Variants in TC2N observed in about 807,000 individuals in gnomAD.
TC2N encodes the protein tandem C2 domains nuclear protein.
TC2N carries 51 observed loss-of-function variants against 61.9 expected under a neutral mutation model. That is an observed-to-expected ratio of 0.82 (90% CI 0.66 to 1.04). The LOEUF (loss-of-function observed/expected upper bound fraction) is 1.04. Among genes scored for constraint, TC2N ranks in the 50% least tolerant of loss-of-function variants. The pLI, the probability that TC2N is intolerant of heterozygous loss-of-function variation, is 0.00. For synonymous variants in TC2N, 204 were observed against 192.6 expected, an observed-to-expected ratio of 1.06 and a Z score of -0.49; for missense variants, 556 against 566.7, an observed-to-expected ratio of 0.98 and a Z score of 0.19.
At chr14:91,836,874 A>G (rs1888046395) in intron 1 of TC2N, among the ~76,000 whole-genome samples, 1 of 152,202 alleles carries the variant, frequency 6.6e-6, no homozygotes, top group Non-Finnish European at 1.5e-5. Flanking sequence ...TTGGGGAGGC[A>G]GGGGCAGTCT....
intron 1 of TC2N, among the ~76,000 whole-genome samples, chr14:91,830,524 T>A (rs1389821054): frequency 6.6e-6 from 1 of 152,136 alleles, no homozygotes; most frequent in African/African-American, 2.4e-5. Flanking sequence ...GAAAACAGAT[T>A]AGTGGTTGCC....
At chr14:91,831,377 AAC>A (rs1260075236) in intron 1 of TC2N, among the ~76,000 whole-genome samples, 1 of 152,270 alleles carries the variant, frequency 6.6e-6, no homozygotes, top group Non-Finnish European at 1.5e-5. Context: ...AGAATTAAAT[AAC>A]ACATTTTATT....
In TC2N at chr14:91,800,097, GCAAT is replaced by G. The variant is rs552262706; in HGVS notation, c.561+180_561+183del. Among the ~76,000 whole-genome samples the G allele has an allele frequency of 1.5e-3, 235 of 152,090 alleles. 3 individuals carry two copies. The highest frequency in any genetic ancestry group is 0.014 in the South Asian group (66 of 4,818). ...AAAAAAGAAAAACTACTGCCTTTTA[GCAAT>G]CAAATAACAGCTTTCTAAAATAATA... On this transcript the variant is annotated intron_variant, in intron 5 of 11. Coordinates refer to ENST00000435962, the MANE Select transcript of TC2N (RefSeq NM_001128596.3).
At chr14:91,865,873 G>A (rs1428064065) in intron 1 of TC2N, among the ~76,000 whole-genome samples, 2 of 151,964 alleles carry the variant, frequency 1.3e-5, no homozygotes, top group Non-Finnish European at 2.9e-5. Context: ...GGCTAAAGGT[G>A]TTATTAAAAA....
intron 3 of TC2N, among the ~76,000 whole-genome samples, chr14:91,806,933 C>A (rs1886533545): frequency 1.3e-5 from 2 of 152,206 alleles, no homozygotes; most frequent in South Asian, 4.1e-4. Context: ...GGGCCAGGCC[C>A]AGGGCCCCCC....
At chr14:91,830,285 A>G (rs1350442792) in intron 1 of TC2N, among the ~76,000 whole-genome samples, 2 of 152,242 alleles carry the variant, frequency 1.3e-5, no homozygotes, top group African/African-American at 2.4e-5. Context: ...GCCAAAAAGT[A>G]GAAACAAATC....
intron 1 of TC2N, among the ~76,000 whole-genome samples, chr14:91,815,703 T>C (rs2139868856): frequency 6.6e-6 from 1 of 151,810 alleles, no homozygotes; most frequent in South Asian, 2.1e-4. Context: ...CCTCCCCATA[T>C]ACCCTGTCCT....
rs562110192 is a variant in TC2N at position 91,825,705 on chromosome 14, T to C, written c.-56-11880A>G. On this transcript the variant is annotated intron_variant, in intron 1 of 11. Transcript: ENST00000435962. Reference sequence around the variant, plus strand: ...ATGCTTCTTGCTGTCTCTAGTTTCTTTGAGAAAGATTTGTCTGTATTAGAA... The same window carrying C: ...ATGCTTCTTGCTGTCTCTAGTTTCTCTGAGAAAGATTTGTCTGTATTAGAA... Among the ~76,000 whole-genome samples the C allele has an allele frequency of 7.2e-5, 11 of 152,334 alleles. No individual in the cohort carries two copies. The East Asian group carries it at 1.9e-3, about 27-fold the overall frequency.
intron 1 of TC2N, among the ~76,000 whole-genome samples, chr14:91,835,677 T>A (rs868788858): frequency 3.9e-5 from 6 of 152,196 alleles, no homozygotes; most frequent in Non-Finnish European, 8.8e-5. Context: ...ATCTAAAACC[T>A]AGCTGGGTAG....
At chr14:91,831,999 A>C (rs1247322904) in intron 1 of TC2N, among the ~76,000 whole-genome samples, 1 of 152,216 alleles carries the variant, frequency 6.6e-6, no homozygotes, top group Non-Finnish European at 1.5e-5. Context: ...AAGAAAGTAA[A>C]AGACAGGCTG....
At chr14:91,810,721 G>A (rs751475545) in intron 3 of TC2N, among the ~76,000 whole-genome samples, 7 of 151,782 alleles carry the variant, frequency 4.6e-5, no homozygotes, top group Non-Finnish European at 8.8e-5. Flanking sequence ...AGAACCAAAT[G>A]TAAACTCTAG....
In TC2N at chr14:91,832,548, G is replaced by A. The variant is rs186608118; in HGVS notation, c.-56-18723C>T. ...CCCAATGGGATACCATTTCTCACCCGATTGTCTAAAAGAAAAAAAATTCAG... is the reference window on the plus strand; with the variant it reads ...CCCAATGGGATACCATTTCTCACCCAATTGTCTAAAAGAAAAAAAATTCAG... On this transcript the variant is annotated intron_variant, in intron 1 of 11. Transcript: ENST00000435962. 5.5e-3 allele frequency among the ~76,000 whole-genome samples: 844 copies of A among 152,116 alleles called. 5 individuals are homozygous for A. The highest frequency in any genetic ancestry group is 8.7e-3 in the Non-Finnish European group (590 of 67,998).
At chr14:91,844,468 A>G (rs958482068) in intron 1 of TC2N, among the ~76,000 whole-genome samples, 2 of 152,206 alleles carry the variant, frequency 1.3e-5, no homozygotes, top group Non-Finnish European at 2.9e-5. Flanking sequence ...TGTTTCCATC[A>G]AAACCATCTT....
At chr14:91,788,961 T>TA (rs11290971) in intron 9 of TC2N, among the ~76,000 whole-genome samples, 47 of 151,272 alleles carry the variant, frequency 3.1e-4, no homozygotes, top group African/African-American at 1.1e-3. Flanking sequence ...TTGGTAGCCA[T>TA]AAAAAAAAAA....
chr14:91,784,256 A>C (rs552868478), intron 11 of TC2N, among the ~76,000 whole-genome samples: 23 of 152,280 alleles, frequency 1.5e-4, no homozygotes, highest in African/African-American at 5.3e-4. Context: ...GATATACGAA[A>C]ACTTTAACTG....
At chr14:91,793,520 C>T (rs1374496480) in intron 8 of TC2N, among the ~76,000 whole-genome samples, 1 of 152,198 alleles carries the variant, frequency 6.6e-6, no homozygotes, top group Non-Finnish European at 1.5e-5. Context: ...CCAGCATGTG[C>T]TCACTTCATG....
At chr14:91,841,105 A>G (rs1888154583) in intron 1 of TC2N, among the ~76,000 whole-genome samples, 1 of 152,172 alleles carries the variant, frequency 6.6e-6, no homozygotes, top group African/African-American at 2.4e-5. Context: ...GGAGGAAACA[A>G]AGAGAGAATC....
At position 91,781,947 on chromosome 14, in the gene TC2N, A is replaced by G. The variant is rs1254343005; in HGVS notation, c.*1153T>C. ...CCATCTTTCTCTGCATGCCTGGGAC[A>G]AAGTAAGAATGGGGGCAGAAAAAAA... is the stretch of plus-strand genomic sequence containing the variant. On this transcript the variant is annotated 3_prime_UTR_variant, in exon 12 of 12. Coordinates refer to ENST00000435962, the MANE Select transcript of TC2N (RefSeq NM_001128596.3). 4 of 152,094 alleles carry G rather than the reference A, an allele frequency of 2.6e-5. No homozygotes were observed. Among genetic ancestry groups the G allele is most frequent in the Admixed American group, 6.5e-5 (1 of 15,274 alleles). 9.4% of individuals were successfully genotyped at this position (152,094 alleles called of 1,614,324 possible). A position where few individuals can be genotyped will look rare whatever the true frequency, so the allele number is the denominator to read the frequency against.
intron 1 of TC2N, among the ~76,000 whole-genome samples, chr14:91,820,491 A>G (rs958913864): frequency 4.6e-5 from 7 of 152,010 alleles, no homozygotes; most frequent in Non-Finnish European, 1.0e-4. Context: ...GAAAAAATCT[A>G]TAGTTAACAT....
Sources: gnomAD v4.1 joint callset for allele counts (sites outside exome capture counted in the v4.1 genomes callset) on GRCh38, gnomAD v4.1.1 for gene constraint, MANE v1.5 for transcripts, NCBI Gene and HGNC (gene_info 2026-07-23, HGNC 2026-07-21) for gene names.